SRL: variants seen among roughly 807,000 people sequenced by gnomAD.
SRL encodes the protein sarcalumenin.
A neutral mutation model predicts 39.5 loss-of-function variants in SRL; 23 were observed. That is an observed-to-expected ratio of 0.58 (90% CI 0.42 to 0.82). The LOEUF (loss-of-function observed/expected upper bound fraction) is 0.82. Among genes scored for constraint, SRL ranks in the 40% least tolerant of loss-of-function variants. SRL has a pLI of 0.00. For missense variants in SRL, 592 were observed against 607.8 expected, an observed-to-expected ratio of 0.97 and a Z score of 0.27; for synonymous variants, 272 against 237.4, an observed-to-expected ratio of 1.15 and a Z score of -1.34.
intron 1 of SRL, among the ~76,000 whole-genome samples, chr16:4,235,271 G>A (rs1385447863): frequency 1.3e-5 from 2 of 152,232 alleles, no homozygotes; most frequent in Admixed American, 6.5e-5. Flanking sequence ...ACCACCTTGA[G>A]CCAAAGTGAG....
At chr16:4,215,623 A>G (rs1309690766) in intron 1 of SRL, among the ~76,000 whole-genome samples, 1 of 152,192 alleles carries the variant, frequency 6.6e-6, no homozygotes, top group African/African-American at 2.4e-5. Flanking sequence ...GGGCCAGCCA[A>G]TAAGAGGGTC....
chr16:4,242,015 C>G lies in SRL; in HGVS notation c.53G>C (p.Gly18Ala). ...GCTGGGAGGGGCCCTACCTGCTTGT[C>G]CTGAGAACAGGAGCGAGGCCAGGAG... is the stretch of plus-strand genomic sequence containing the variant. ...GCLLASLLFSGQAEETEDANE... is the reference protein window; with the variant it reads ...GCLLASLLFSAQAEETEDANE... The change falls in exon 1 of 6, where the codon GGA becomes GCA. Residue 18 changes from glycine (G) to alanine (A), a missense_variant. By Grantham distance (60) the Gly-to-Ala change is moderately conservative. Transcript: ENST00000399609. 6.2e-7 allele frequency: 1 copy of G among 1,613,702 alleles called. No individual in the cohort carries two copies. Among genetic ancestry groups the G allele is most frequent in the Non-Finnish European group, 8.5e-7 (1 of 1,179,954 alleles).
At chr16:4,237,381 T>C (rs551692197) in intron 1 of SRL, among the ~76,000 whole-genome samples, 24 of 152,158 alleles carry the variant, frequency 1.6e-4, no homozygotes, top group African/African-American at 5.5e-4. Context: ...AGGCCAGGGA[T>C]TCTACACCAG....
intron 1 of SRL, among the ~76,000 whole-genome samples, chr16:4,205,409 C>T (rs1381371733): frequency 6.6e-6 from 1 of 151,886 alleles, no homozygotes; most frequent in African/African-American, 2.4e-5. Context: ...GAGGGAGACC[C>T]TGTCTCAAAA....
intron 1 of SRL, among the ~76,000 whole-genome samples, chr16:4,232,677 ATTG>A (rs969681648): frequency 2.1e-4 from 32 of 152,234 alleles, no homozygotes; most frequent in African/African-American, 7.2e-4. Context: ...TGCCTGGCTA[ATTG>A]TTGTATTTTT....
intron 1 of SRL, among the ~76,000 whole-genome samples, chr16:4,232,513 C>T (rs141020591): frequency 6.7e-4 from 102 of 151,644 alleles, no homozygotes; most frequent in Non-Finnish European, 1.1e-3. Context: ...GCCATCTAGA[C>T]GAATTTTTTT....
chr16:4,225,828 C>T (rs2141060663), intron 1 of SRL, among the ~76,000 whole-genome samples: 1 of 152,108 alleles, frequency 6.6e-6, no homozygotes, highest in East Asian at 1.9e-4. Context: ...CACACTCCCT[C>T]CGGTGGCTCC....
intron 1 of SRL, among the ~76,000 whole-genome samples, chr16:4,222,204 TG>T (rs1181786123): frequency 6.6e-6 from 1 of 152,186 alleles, no homozygotes; most frequent in Admixed American, 6.5e-5. Flanking sequence ...TCCCATCCCT[TG>T]GGAGTCGTCC....
In SRL at chr16:4,190,216, G is replaced by C; in HGVS notation, c.*1937C>G. On this transcript the variant is annotated 3_prime_UTR_variant, in exon 6 of 6. Coordinates refer to ENST00000399609, the MANE Select transcript of SRL (RefSeq NM_001098814.2). ...AGAGTGATAACAATTCTGAGAACCGGGAATTCCTAACTCGAGGTTCTCCTC... is the reference window on the plus strand; with the variant it reads ...AGAGTGATAACAATTCTGAGAACCGCGAATTCCTAACTCGAGGTTCTCCTC... The C allele has an allele frequency of 2.5e-6, 1 of 398,590 alleles. No homozygotes were observed. Among genetic ancestry groups the C allele is most frequent in the Non-Finnish European group, 4.4e-6 (1 of 226,132 alleles). The allele number at this position is 398,590 out of a possible 1,614,324, so 24.7% of individuals were successfully genotyped here. A position where few individuals can be genotyped will look rare whatever the true frequency, so the allele number is the denominator to read the frequency against.
intron 1 of SRL, among the ~76,000 whole-genome samples, chr16:4,206,507 T>C (rs1259501622): frequency 3.3e-5 from 5 of 152,190 alleles, no homozygotes; most frequent in African/African-American, 1.2e-4. Context: ...GGCCCCTGAC[T>C]CGGAAGTACC....
intron 1 of SRL, among the ~76,000 whole-genome samples, chr16:4,223,372 G>A (rs977122948): frequency 6.3e-5 from 9 of 142,690 alleles, no homozygotes; most frequent in African/African-American, 2.4e-4. Context: ...GAGGCCTCAG[G>A]AATCCACCTT....
At chr16:4,198,903 G>A (rs1337662214) in intron 3 of SRL, among the ~76,000 whole-genome samples, 1 of 152,194 alleles carries the variant, frequency 6.6e-6, no homozygotes, top group Non-Finnish European at 1.5e-5. Context: ...CACTCCAGGT[G>A]GGTCCCTAAG....
In SRL at chr16:4,227,536, G is replaced by A. The variant is rs573301580; in HGVS notation, c.61+14471C>T. Among the ~76,000 whole-genome samples, 4 of 146,910 alleles carry A rather than the reference G, an allele frequency of 2.7e-5. 1 individual carries two copies. The highest frequency in any genetic ancestry group is 2.2e-4 in the South Asian group (1 of 4,498). On this transcript the variant is annotated intron_variant, in intron 1 of 5. Transcript: ENST00000399609. ...GGGTAGATGAGTAGATGGATGATGG[G>A]TAGATGATGGATGGGTGGATGGATG...
rs374318073 is a variant in SRL, at chr16:4,192,839, G to T, written c.736C>A (p.Arg246Ser). Residue 246 changes from arginine (R) to serine (S), a missense_variant, in exon 6 of 6, where the codon CGT (arginine) becomes AGT (serine). Arg to Ser is a moderately radical substitution (Grantham distance 110). Transcript: ENST00000399609. The surrounding 1 kb of genome is among the most constrained non-coding windows in gnomAD (Gnocchi z 4.0). ...LEMLFRQLKG[R>S]ESQIRIILNK... Reference sequence around the variant, plus strand: ...AGGATGATCCTTATCTGGGATTCACGCCCCTTCAACTGGCGGAAGAGCATC... The same window carrying T: ...AGGATGATCCTTATCTGGGATTCACTCCCCTTCAACTGGCGGAAGAGCATC... The T allele has an allele frequency of 8.1e-6, 13 of 1,614,126 alleles. No individual in the cohort carries two copies. Among genetic ancestry groups the T allele is most frequent in the Non-Finnish European group, 1.0e-5 (12 of 1,180,034 alleles).
At chr16:4,233,374 C>T (rs930444394) in intron 1 of SRL, among the ~76,000 whole-genome samples, 3 of 152,134 alleles carry the variant, frequency 2.0e-5, no homozygotes, top group African/African-American at 7.2e-5. Context: ...ATGAGCCAAG[C>T]GTCATGCTAC....
intron 1 of SRL, among the ~76,000 whole-genome samples, chr16:4,219,530 T>G (rs2052497574): frequency 6.6e-6 from 1 of 152,182 alleles, no homozygotes. Context: ...ATCGGCTCAC[T>G]GCAACGTCCA....
Position 4,237,208 on chromosome 16 carries a change from C to T in SRL, c.61+4799G>A, listed in dbSNP as rs564506833. On this transcript the variant is annotated intron_variant, in intron 1 of 5. Coordinates refer to ENST00000399609, the MANE Select transcript of SRL (RefSeq NM_001098814.2). The stretch of plus-strand genomic sequence containing the variant: ...GCCTCTGCCTCCGCCTCCCAAAGTG[C>T]TGGGATTACAGGTGTGAGCCACTTC... 5.3e-5 allele frequency among the ~76,000 whole-genome samples: 8 copies of T among 152,324 alleles called. 1 individual carries two copies. Among genetic ancestry groups the T allele is most frequent in the African/African-American group, 1.9e-4 (8 of 41,570 alleles).
At chr16:4,204,304 C>T (rs2052281539) in intron 2 of SRL, among the ~76,000 whole-genome samples, 9 of 151,996 alleles carry the variant, frequency 5.9e-5, no homozygotes, top group Admixed American at 5.9e-4. Context: ...TCTGTGCCCA[C>T]CTGGAACCCC....
chr16:4,227,701 G>A (rs763765862), intron 1 of SRL, among the ~76,000 whole-genome samples: 1 of 152,158 alleles, frequency 6.6e-6, no homozygotes, highest in Non-Finnish European at 1.5e-5. Flanking sequence ...CCAGGGAAGT[G>A]CTTGCCTAAG....
Sources: gnomAD v4.1 joint callset for allele counts (sites outside exome capture counted in the v4.1 genomes callset) on GRCh38, gnomAD v4.1.1 for gene constraint, Gnocchi (gnomAD v3.1) non-coding constraint, MANE v1.5 for transcripts, NCBI Gene and HGNC (gene_info 2026-07-23, HGNC 2026-07-21) for gene names.